Variants in NTN1 observed in about 807,000 individuals in gnomAD.
NTN1 encodes the protein netrin 1.
Under a neutral mutation model 54.2 loss-of-function variants are expected in NTN1, and 11 were observed. The ratio of observed to expected loss-of-function variants is 0.20; its 90% confidence interval spans 0.13 to 0.34. The LOEUF (loss-of-function observed/expected upper bound fraction) is 0.34, where lower values mean the gene tolerates loss of function less well. NTN1 is among the 10% of genes least tolerant of loss of function. The pLI, the probability that NTN1 is intolerant of heterozygous loss-of-function variation, is 1.00. For synonymous variants in NTN1, 371 were observed against 382.0 expected, an observed-to-expected ratio of 0.97 and a Z score of 0.33; for missense variants, 740 against 893.1, an observed-to-expected ratio of 0.83 and a Z score of 2.18.
At chr17:9,195,395 G>A (rs1904604712) in intron 5 of NTN1, among the ~76,000 whole-genome samples, 1 of 152,208 alleles carries the variant, frequency 6.6e-6, no homozygotes, top group African/African-American at 2.4e-5. Flanking sequence ...CCCTTCTTGG[G>A]AGCTCTTCCC....
chr17:9,023,129 C>T lies in NTN1; in HGVS notation c.756C>T (p.Ser252=). The T allele has an allele frequency of 6.4e-7, 1 of 1,564,438 alleles. No individual in the cohort carries two copies. Among genetic ancestry groups the T allele is most frequent in the Non-Finnish European group, 8.7e-7 (1 of 1,154,120 alleles). ...CCACAGACATCCGCGTGGCCTTCAG[C>T]CGCCTGCACACGTTCGGCGACGAGA... ...VTATDIRVAF[S]RLHTFGDENE... is the part of the protein sequence containing the mutation. Residue 252 remains serine (S), a synonymous_variant, in exon 2 of 7, where the codon AGC becomes AGT. Coordinates refer to ENST00000173229, the MANE Select transcript of NTN1 (RefSeq NM_004822.3).
At chr17:9,166,073 C>G (rs958529288) in intron 3 of NTN1, among the ~76,000 whole-genome samples, 4 of 151,978 alleles carry the variant, frequency 2.6e-5, no homozygotes, top group Non-Finnish European at 4.4e-5. Context: ...TAGGAACCAT[C>G]GTTAGGAGAA....
intron 2 of NTN1, among the ~76,000 whole-genome samples, chr17:9,084,957 T>C (rs1273158609): frequency 6.6e-6 from 1 of 152,140 alleles, no homozygotes; most frequent in Non-Finnish European, 1.5e-5. Flanking sequence ...ACCCCGTTCT[T>C]TGCAGTTTCT....
intron 5 of NTN1, among the ~76,000 whole-genome samples, chr17:9,189,927 A>G (rs1042945919): frequency 2.6e-5 from 4 of 152,232 alleles, no homozygotes; most frequent in Non-Finnish European, 4.4e-5. Flanking sequence ...CTTGGGTCAC[A>G]AGGTAGCCAG....
intron 2 of NTN1, among the ~76,000 whole-genome samples, chr17:9,093,550 A>G (rs991160729): frequency 6.6e-6 from 1 of 152,142 alleles, no homozygotes; most frequent in African/African-American, 2.4e-5. Flanking sequence ...TTTGGTAGAG[A>G]TGGTATCTTG....
chr17:9,142,041 C>G (rs9897974), intron 2 of NTN1, among the ~76,000 whole-genome samples: 12,720 of 152,134 alleles, frequency 0.084, 1,765 homozygotes, highest in African/African-American at 0.29. Context: ...GCAGGAGAAT[C>G]GCATGAACCC....
intron 2 of NTN1, among the ~76,000 whole-genome samples, chr17:9,158,720 G>A (rs34020883): frequency 0.16 from 24,612 of 152,154 alleles, 2,061 homozygotes; most frequent in Middle Eastern, 0.23. Context: ...GGCAGAGTGA[G>A]TCCAAAGAGA....
chr17:9,104,887 A>G (rs1206898605), intron 2 of NTN1, among the ~76,000 whole-genome samples: 1 of 152,160 alleles, frequency 6.6e-6, no homozygotes, highest in African/African-American at 2.4e-5. Context: ...CCTGCTGCTC[A>G]CAGGACATTT....
At chr17:9,149,224 C>T (rs964173023) in intron 2 of NTN1, among the ~76,000 whole-genome samples, 1 of 151,080 alleles carries the variant, frequency 6.6e-6, no homozygotes, top group African/African-American at 2.4e-5. Flanking sequence ...GTGTATGCAC[C>T]ACCTCTAGGG....
chr17:9,044,052 A>G (rs2151514040), intron 2 of NTN1, among the ~76,000 whole-genome samples: 1 of 152,144 alleles, frequency 6.6e-6, no homozygotes, highest in Admixed American at 6.5e-5. Context: ...AGCGTTGACC[A>G]CTTCCCATAG....
intron 2 of NTN1, among the ~76,000 whole-genome samples, chr17:9,028,133 A>G (rs1431867679): frequency 6.6e-6 from 1 of 152,076 alleles, no homozygotes; most frequent in Non-Finnish European, 1.5e-5. Context: ...TCCAAAAAAA[A>G]AGAAGGCCTT....
At chr17:9,094,425 A>C (rs1195614856) in intron 2 of NTN1, among the ~76,000 whole-genome samples, 1 of 152,138 alleles carries the variant, frequency 6.6e-6, no homozygotes, top group Non-Finnish European at 1.5e-5. Context: ...GTATACATAT[A>C]TATGTACACA....
In NTN1 at chr17:9,239,180, T is replaced by C. The variant is rs1906099281; in HGVS notation, c.1487-460T>C. ...AGGACCCATTATGGTTTTCTGAGGC[T>C]GGTTGGAGGGCCAGGCTGTGTGTGG... On this transcript the variant is annotated intron_variant, in intron 6 of 6. Coordinates refer to ENST00000173229, the MANE Select transcript of NTN1 (RefSeq NM_004822.3). The surrounding 1 kb of genome is among the most constrained non-coding windows in gnomAD (Gnocchi z 5.2). 6.6e-6 allele frequency among the ~76,000 whole-genome samples: 1 copy of C among 152,128 alleles called. No individual in the cohort carries two copies. The highest frequency in any genetic ancestry group is 1.5e-5 in the Non-Finnish European group (1 of 68,024).
intron 2 of NTN1, among the ~76,000 whole-genome samples, chr17:9,117,495 C>T (rs1194991339): frequency 6.6e-6 from 1 of 152,076 alleles, no homozygotes; most frequent in Admixed American, 6.5e-5. Flanking sequence ...GTGGCTCACG[C>T]AGTAGTTTGG....
intron 5 of NTN1, among the ~76,000 whole-genome samples, chr17:9,196,790 A>T (rs1305262028): frequency 2.0e-5 from 3 of 152,086 alleles, no homozygotes; most frequent in African/African-American, 7.2e-5. Flanking sequence ...AGGAAAGGAG[A>T]AAGCCTTCTA....
chr17:9,055,294 A>C (rs767036216), intron 2 of NTN1, among the ~76,000 whole-genome samples: 13 of 152,234 alleles, frequency 8.5e-5, no homozygotes, highest in Non-Finnish European at 1.3e-4. Context: ...CACTGCATCC[A>C]GGCAGAATGC....
chr17:9,211,399 A>G lies in NTN1; in HGVS notation c.1412-9769A>G, dbSNP rs764907323. Reference sequence around the variant, plus strand: ...CTCCCAGTGTGCTCGGCTCACTGTCATCATTTCCTGAGTGTCACCGTCAGG... The same window carrying G: ...CTCCCAGTGTGCTCGGCTCACTGTCGTCATTTCCTGAGTGTCACCGTCAGG... On this transcript the variant is annotated intron_variant, in intron 5 of 6. Coordinates refer to ENST00000173229, the MANE Select transcript of NTN1 (RefSeq NM_004822.3). The surrounding 1 kb of genome is among the most constrained non-coding windows in gnomAD (Gnocchi z 4.4). Among the ~76,000 whole-genome samples the G allele has an allele frequency of 1.3e-5, 2 of 152,030 alleles. No homozygotes were observed. The highest frequency in any genetic ancestry group is 2.9e-5 in the Non-Finnish European group (2 of 68,012).
chr17:9,048,847 G>C (rs1337567530), intron 2 of NTN1, among the ~76,000 whole-genome samples: 1 of 152,070 alleles, frequency 6.6e-6, no homozygotes, highest in Non-Finnish European at 1.5e-5. Flanking sequence ...GTAGAGATGG[G>C]GTTTCACCAT....
chr17:9,050,882 C>T (rs1422401348), intron 2 of NTN1, among the ~76,000 whole-genome samples: 1 of 152,164 alleles, frequency 6.6e-6, no homozygotes, highest in African/African-American at 2.4e-5. Flanking sequence ...TGGCCCTCCC[C>T]TGTGGTTCAA....
Sources: gnomAD v4.1 joint callset for allele counts (sites outside exome capture counted in the v4.1 genomes callset) on GRCh38, gnomAD v4.1.1 for gene constraint, Gnocchi (gnomAD v3.1) non-coding constraint, MANE v1.5 for transcripts, NCBI Gene and HGNC (gene_info 2026-07-23, HGNC 2026-07-21) for gene names.